The following SORCS1 variants were observed in gnomAD, a reference collection of about 807,000 sequenced individuals.
The protein encoded by SORCS1 is VPS10 domain-containing receptor SorCS1.
Under a neutral mutation model 146.1 loss-of-function variants are expected in SORCS1, and 60 were observed. The observed-to-expected ratio is 0.41, with a 90% confidence interval of 0.33 to 0.51. SORCS1 has a LOEUF of 0.51. SORCS1 is among the 20% of genes least tolerant of loss of function. The pLI, the probability that SORCS1 is intolerant of heterozygous loss-of-function variation, is 0.21. For synonymous variants in SORCS1, 637 were observed against 584.0 expected (o/e 1.09, Z -1.31); for missense variants, 1,352 against 1,487.6 (o/e 0.91, Z 1.50).
intron 1 of SORCS1, among the ~76,000 whole-genome samples, chr10:107,075,547 A>G (rs1464537770): frequency 6.6e-6 from 1 of 152,122 alleles, no homozygotes; most frequent in East Asian, 1.9e-4. Flanking sequence ...AAAATCATGA[A>G]GACTGTCAGG....
chr10:106,992,914 CT>C lies in SORCS1; in HGVS notation c.559-36335del, dbSNP rs1388528799. Among the ~76,000 whole-genome samples, 6 of 145,470 alleles carry C rather than the reference CT, an allele frequency of 4.1e-5. No individual in the cohort carries two copies. The Admixed American group carries it at 4.3e-4, about 10-fold the overall frequency. On this transcript the variant is annotated intron_variant, in intron 1 of 25. Coordinates refer to ENST00000263054, the MANE Select transcript of SORCS1 (RefSeq NM_052918.5). ...TGGCGCGATCTAGGCTCACTGCAAC[CT>C]CTGCCTCCCTGGTTCAAGCAACTCT...
intron 17 of SORCS1, among the ~76,000 whole-genome samples, chr10:106,659,530 T>C (rs940698292): frequency 1.3e-5 from 2 of 152,222 alleles, no homozygotes; most frequent in Non-Finnish European, 2.9e-5. Flanking sequence ...GGAATTCTAA[T>C]ATTGAATCCT....
At chr10:106,906,112 A>C (rs1487209766) in intron 2 of SORCS1, among the ~76,000 whole-genome samples, 2 of 152,064 alleles carry the variant, frequency 1.3e-5, no homozygotes, top group East Asian at 1.9e-4. Context: ...AGAGAAAAAG[A>C]GGTTTTTGTT....
rs1844563686 is a variant in SORCS1, at chr10:106,576,110, C to G, written c.*1310G>C. 2 of 152,174 alleles carry G rather than the reference C, an allele frequency of 1.3e-5. No individual in the cohort carries two copies. The highest frequency in any genetic ancestry group is 2.9e-5 in the Non-Finnish European group (2 of 68,072). The allele number at this position is 152,174 out of a possible 1,614,324, so 9.4% of individuals were successfully genotyped here. A position where few individuals can be genotyped will look rare whatever the true frequency, so the allele number is the denominator to read the frequency against. On this transcript the variant is annotated 3_prime_UTR_variant, in exon 26 of 26. Transcript: ENST00000263054. Reference sequence around the variant, plus strand: ...ACTCTTTCGCATACAGTATATGTTTCCAGGTGGGAAAAGGCAGGGATATTT... The same window carrying G: ...ACTCTTTCGCATACAGTATATGTTTGCAGGTGGGAAAAGGCAGGGATATTT...
chr10:106,643,726 C>T (rs1044578397), intron 18 of SORCS1, among the ~76,000 whole-genome samples: 1 of 152,230 alleles, frequency 6.6e-6, no homozygotes, highest in Non-Finnish European at 1.5e-5. Flanking sequence ...ATTCCCCAAT[C>T]TGTTCCCACA....
chr10:107,091,577 A>G (rs1964180778), intron 1 of SORCS1, among the ~76,000 whole-genome samples: 2 of 152,184 alleles, frequency 1.3e-5, no homozygotes, highest in Admixed American at 6.5e-5. Flanking sequence ...CATTTTATGC[A>G]TGGGCATGAA....
intron 1 of SORCS1, among the ~76,000 whole-genome samples, chr10:106,993,513 T>G (rs1956858990): frequency 6.6e-6 from 1 of 152,194 alleles, no homozygotes; most frequent in African/African-American, 2.4e-5. Context: ...TTAGAATTTT[T>G]GACTTCCAGA....
rs553722033 is a variant in SORCS1, at chr10:106,661,882, T to G, written c.2303+5807A>C. ...CCAGCCTCCTTGCTTTCCACCTTCA[T>G]GTCAAATGACATGTAGAAGCTGTGA... On this transcript the variant is annotated intron_variant, in intron 17 of 25. Coordinates refer to ENST00000263054, the MANE Select transcript of SORCS1 (RefSeq NM_052918.5). Among the ~76,000 whole-genome samples, 49 of 152,354 alleles carry G rather than the reference T, an allele frequency of 3.2e-4. 1 individual carries two copies. The South Asian group carries it at 9.9e-3, about 31-fold the overall frequency.
At chr10:106,921,438 A>G (rs1215711450) in intron 2 of SORCS1, among the ~76,000 whole-genome samples, 1 of 152,206 alleles carries the variant, frequency 6.6e-6, no homozygotes, top group Non-Finnish European at 1.5e-5. Context: ...TCATCTAGAT[A>G]TATCAGACTT....
intron 3 of SORCS1, among the ~76,000 whole-genome samples, chr10:106,795,969 C>A (rs1300735537): frequency 6.6e-6 from 1 of 152,138 alleles, no homozygotes; most frequent in Non-Finnish European, 1.5e-5. Flanking sequence ...GTTCAAACAT[C>A]ATGTGGTTTT....
chr10:106,961,786 C>T (rs954046907), intron 1 of SORCS1, among the ~76,000 whole-genome samples: 3 of 152,174 alleles, frequency 2.0e-5, no homozygotes, highest in African/African-American at 7.2e-5. Context: ...TTGTGAATAG[C>T]CCACCCCATA....
At chr10:107,123,077 CAAA>C (rs35115429) in intron 1 of SORCS1, among the ~76,000 whole-genome samples, 25 of 79,104 alleles carry the variant, frequency 3.2e-4, no homozygotes, top group African/African-American at 9.3e-4. Context: ...GACAAACTGG[CAAA>C]AAAAAAAAAA....
At position 107,135,411 on chromosome 10, in the gene SORCS1, T is replaced by C. The variant is rs148642976; in HGVS notation, c.558+28558A>G. Among the ~76,000 whole-genome samples, 410 of 152,314 alleles carry C rather than the reference T, an allele frequency of 2.7e-3. 8 individuals are homozygous for C. The East Asian group carries it at 0.065, about 24-fold the overall frequency. ...ATTAAGCATTAAAGAGGCAAAAGTA[T>C]CATACACATAGATCAGAATTCCCCT... On this transcript the variant is annotated intron_variant, in intron 1 of 25. Coordinates refer to ENST00000263054, the MANE Select transcript of SORCS1 (RefSeq NM_052918.5).
intron 3 of SORCS1, among the ~76,000 whole-genome samples, chr10:106,816,008 C>T (rs1289577538): frequency 2.0e-5 from 3 of 152,192 alleles, no homozygotes; most frequent in African/African-American, 7.2e-5. Context: ...TTGTCTCAAT[C>T]TGAGTAAACT....
At chr10:106,800,666 C>G (rs528889124) in intron 3 of SORCS1, among the ~76,000 whole-genome samples, 2 of 151,822 alleles carry the variant, frequency 1.3e-5, no homozygotes, top group African/African-American at 4.8e-5. Flanking sequence ...GGACTACAGG[C>G]GCACACCGCC....
intron 1 of SORCS1, among the ~76,000 whole-genome samples, chr10:106,971,190 CTTAAAGT>C (rs113298734): frequency 0.016 from 2,436 of 152,248 alleles, 61 homozygotes; most frequent in African/African-American, 0.055. Context: ...TCTCACTGAT[CTTAAAGT>C]TTAAATTTCA....
At chr10:106,871,741 G>A (rs1325963489) in intron 2 of SORCS1, among the ~76,000 whole-genome samples, 1 of 152,190 alleles carries the variant, frequency 6.6e-6, no homozygotes, top group Admixed American at 6.5e-5. Context: ...GGGTGTAATT[G>A]AAGGTGGAGT....
the SORCS1 span, among the ~76,000 whole-genome samples, chr10:107,169,727 C>CA: frequency 6.6e-6 from 1 of 152,150 alleles, no homozygotes; most frequent in African/African-American, 2.4e-5. Flanking sequence ...TTACAGAATA[C>CA]AAATAAATTT....
chr10:106,834,417 T>C (rs904057326), intron 2 of SORCS1, among the ~76,000 whole-genome samples: 1 of 152,238 alleles, frequency 6.6e-6, no homozygotes, highest in Non-Finnish European at 1.5e-5. Flanking sequence ...CTAATATACA[T>C]TGAACCTCTT....
Sources: gnomAD v4.1 joint callset for allele counts (sites outside exome capture counted in the v4.1 genomes callset) on GRCh38, gnomAD v4.1.1 for gene constraint, MANE v1.5 for transcripts, NCBI Gene and HGNC (gene_info 2026-07-23, HGNC 2026-07-21) for gene names.